The following PTGER4 variants were observed in gnomAD, a reference collection of about 807,000 sequenced individuals.
The protein encoded by PTGER4 is prostaglandin E receptor 4.
A neutral mutation model predicts 33.2 loss-of-function variants in PTGER4; 11 were observed. The observed-to-expected ratio is 0.33, with a 90% CI of 0.21 to 0.55. The LOEUF (loss-of-function observed/expected upper bound fraction) is 0.55. PTGER4 is among the 20% of genes least tolerant of loss of function. PTGER4 has a pLI of 0.92. For synonymous variants in PTGER4, 275 were observed against 281.5 expected, an observed-to-expected ratio of 0.98 and a Z score of 0.23; for missense variants, 481 against 650.2, an observed-to-expected ratio of 0.74 and a Z score of 2.83.
At chr5:40,716,189 C>T in the PTGER4 span, 1 of 1,613,818 alleles carries the variant, frequency 6.2e-7, no homozygotes, top group Admixed American at 1.7e-5. Context: ...GGTGTAGCAC[C>T]ATCCTCCTTT....
At chr5:40,712,080 T>G in the PTGER4 span, among the ~76,000 whole-genome samples, 1 of 152,226 alleles carries the variant, frequency 6.6e-6, no homozygotes, top group Non-Finnish European at 1.5e-5. Flanking sequence ...TTATACTCAT[T>G]TAAGAAAGTT....
At chr5:40,690,855 T>G (rs2111810682) in intron 2 of PTGER4, among the ~76,000 whole-genome samples, 1 of 152,344 alleles carries the variant, frequency 6.6e-6, no homozygotes, top group Non-Finnish European at 1.5e-5. Context: ...ATGAAGTTAA[T>G]AAAGTGCTTC....
the PTGER4 span, among the ~76,000 whole-genome samples, chr5:40,743,190 G>A: frequency 2.0e-5 from 3 of 152,318 alleles, no homozygotes; most frequent in Admixed American, 2.0e-4. Context: ...ACTTCAGACT[G>A]GGTAATCAGA....
At chr5:40,745,503 G>A in the PTGER4 span, among the ~76,000 whole-genome samples, 1 of 151,878 alleles carries the variant, frequency 6.6e-6, no homozygotes, top group East Asian at 1.9e-4. Context: ...AGTCTAGATA[G>A]AGGAAATACG....
Position 40,693,291 on chromosome 5 carries a change from C to T in PTGER4, c.*913C>T, listed in dbSNP as rs2111818027. On this transcript the variant is annotated 3_prime_UTR_variant, in exon 3 of 3. Coordinates refer to ENST00000302472, the MANE Select transcript of PTGER4 (RefSeq NM_000958.3). ...ATTTTTTGAAGTCTTTAATAAATAA[C>T]CCATAATTGAAGTGTATAATATAAA... 1 of 970,840 alleles carries T rather than the reference C, an allele frequency of 1.0e-6. No individual in the cohort carries two copies. Among genetic ancestry groups the T allele is most frequent in the African/African-American group, 1.8e-5 (1 of 56,892 alleles). 60.1% of individuals were successfully genotyped at this position (970,840 alleles called of 1,614,324 possible). A position where few individuals can be genotyped will look rare whatever the true frequency, so the allele number is the denominator to read the frequency against.
downstream of PTGER4, among the ~76,000 whole-genome samples, chr5:40,697,743 C>A (rs1741647805): frequency 1.3e-5 from 2 of 151,370 alleles, no homozygotes; most frequent in African/African-American, 4.9e-5. Flanking sequence ...TTATTGACTC[C>A]ATGAAAAACA....
the PTGER4 span, among the ~76,000 whole-genome samples, chr5:40,723,512 TA>T: frequency 0.014 from 2,079 of 143,720 alleles, 31 homozygotes; most frequent in African/African-American, 0.038. Context: ...TAACTCAAAT[TA>T]AAAAAAAAAA....
the PTGER4 span, among the ~76,000 whole-genome samples, chr5:40,745,318 T>C: frequency 2.4e-3 from 360 of 152,230 alleles, no homozygotes; most frequent in African/African-American, 8.2e-3. Flanking sequence ...TAAGATAATA[T>C]CCTTATTCTT....
chr5:40,738,544 AAAT>A, the PTGER4 span, among the ~76,000 whole-genome samples: 2 of 122,018 alleles, frequency 1.6e-5, no homozygotes, highest in African/African-American at 6.0e-5. Flanking sequence ...AAATACAATA[AAAT>A]AAAATAAAAT....
the PTGER4 span, among the ~76,000 whole-genome samples, chr5:40,702,228 G>A: frequency 1.3e-5 from 2 of 152,260 alleles, no homozygotes; most frequent in East Asian, 3.9e-4. Flanking sequence ...AAGGCACAGT[G>A]GCAAGCTGGA....
the PTGER4 span, among the ~76,000 whole-genome samples, chr5:40,707,283 C>A: frequency 6.6e-6 from 1 of 152,082 alleles, no homozygotes; most frequent in African/African-American, 2.4e-5. Flanking sequence ...ATTCAGGAAA[C>A]CCATTTCACG....
chr5:40,733,607 T>C, the PTGER4 span, among the ~76,000 whole-genome samples: 1 of 152,164 alleles, frequency 6.6e-6, no homozygotes, highest in African/African-American at 2.4e-5. Flanking sequence ...ATAGAAGGCA[T>C]TTGTGGTCAT....
downstream of PTGER4, among the ~76,000 whole-genome samples, chr5:40,697,314 A>G (rs1401865754): frequency 6.6e-6 from 1 of 151,652 alleles, no homozygotes; most frequent in Non-Finnish European, 1.5e-5. Flanking sequence ...GGCCAGGCAC[A>G]GTGGCTCACG....
At position 40,693,360 on chromosome 5, in the gene PTGER4, G is replaced by A; in HGVS notation, c.*982G>A. On this transcript the variant is annotated 3_prime_UTR_variant, in exon 3 of 3. Coordinates refer to ENST00000302472, the MANE Select transcript of PTGER4 (RefSeq NM_000958.3). ...CAGCTTATTGTTTCTCTGAAAGTGT[G>A]TGTAGTTTTACTTTCCTAAGGAATT... is the stretch of plus-strand genomic sequence containing the variant. 1.0e-6 allele frequency: 1 copy of A among 983,150 alleles called. No homozygotes were observed. The highest frequency in any genetic ancestry group is 1.7e-5 in the African/African-American group (1 of 57,276). 60.9% of individuals were successfully genotyped at this position (983,150 alleles called of 1,614,324 possible).
At chr5:40,705,427 T>C in the PTGER4 span, among the ~76,000 whole-genome samples, 3 of 152,164 alleles carry the variant, frequency 2.0e-5, no homozygotes, top group African/African-American at 7.2e-5. Context: ...AAAGATTTCA[T>C]GACAAAGACA....
At chr5:40,738,645 G>C in the PTGER4 span, among the ~76,000 whole-genome samples, 1 of 151,354 alleles carries the variant, frequency 6.6e-6, no homozygotes, top group African/African-American at 2.4e-5. Flanking sequence ...AAGAGGTAAA[G>C]CTATTTTACA....
the PTGER4 span, among the ~76,000 whole-genome samples, chr5:40,733,267 T>A: frequency 6.6e-6 from 1 of 152,156 alleles, no homozygotes; most frequent in Admixed American, 6.5e-5. Flanking sequence ...AGGAAGGGGC[T>A]GAAGGTCTTT....
At chr5:40,730,361 A>G in the PTGER4 span, 7 of 1,596,766 alleles carry the variant, frequency 4.4e-6, 1 homozygote, top group East Asian at 6.7e-5. Context: ...TGTTAAAGTT[A>G]TATCAATGCC....
the PTGER4 span, among the ~76,000 whole-genome samples, chr5:40,738,049 T>C: frequency 1.3e-5 from 2 of 152,218 alleles, no homozygotes; most frequent in African/African-American, 4.8e-5. Context: ...GATATAATGT[T>C]TTCATTTCTT....
Sources: allele counts gnomAD v4.1 joint callset (sites outside exome capture counted in the v4.1 genomes callset), GRCh38; gene constraint gnomAD v4.1.1; transcripts MANE v1.5; gene names NCBI Gene and HGNC (gene_info 2026-07-23, HGNC 2026-07-21).